The following NEDD1 variants were observed in gnomAD, a reference collection of about 807,000 sequenced individuals.
NEDD1 encodes NEDD1 gamma-tubulin ring complex targeting factor, also known as protein NEDD1.
NEDD1 carries 33 observed loss-of-function variants against 74.0 expected under a neutral mutation model. That is an observed-to-expected ratio of 0.45 (90% CI 0.34 to 0.60). The LOEUF is 0.60. Ranked by LOEUF, NEDD1 falls within the 20% of genes least tolerant of loss-of-function variation. The probability of loss-of-function intolerance (pLI) is 0.01; values close to 1 mark genes in which losing one functional copy is unlikely to be tolerated. For missense variants in NEDD1, 746 were observed against 776.5 expected, an observed-to-expected ratio of 0.96 and a Z score of 0.47; for synonymous variants, 250 against 264.4, an observed-to-expected ratio of 0.95 and a Z score of 0.53.
Position 96,951,929 on chromosome 12 carries a change from G to A in NEDD1, c.1879-20G>A, listed in dbSNP as rs529905558. 22 of 1,268,530 alleles carry A rather than the reference G, an allele frequency of 1.7e-5. No homozygotes were observed. The highest frequency in any genetic ancestry group is 2.4e-5 in the South Asian group (2 of 82,966). 78.6% of individuals were successfully genotyped at this position (1,268,530 alleles called of 1,614,324 possible). On this transcript the variant is annotated intron_variant, in intron 15 of 15. Transcript: ENST00000266742. ...ATGTGAAATATCAATAATTTAAAAA[G>A]CATTTTCCTGTTTTTCTAGAATGAA... is the stretch of plus-strand genomic sequence containing the variant.
chr12:96,933,172 C>A (rs1489150034), intron 6 of NEDD1, among the ~76,000 whole-genome samples: 1 of 151,946 alleles, frequency 6.6e-6, no homozygotes. Context: ...TTCTGGATAA[C>A]CATGTTTTAA....
intron 5 of NEDD1, 141 bp downstream of exon 5, chr12:96,917,878 GGT>G (rs1874640201): frequency 9.4e-7 from 1 of 1,060,770 alleles, no homozygotes; most frequent in Admixed American, 3.9e-5. Flanking sequence ...GGAAAATAAA[GGT>G]GCTATTTAGC....
At position 96,929,623 on chromosome 12, in the gene NEDD1, A is replaced by ATATATTT. The variant is rs773021014; in HGVS notation, c.490-5352_490-5351insATATTTT. On this transcript the variant is annotated intron_variant, in intron 6 of 15. Coordinates refer to ENST00000266742, the MANE Select transcript of NEDD1 (RefSeq NM_152905.4). ...CACATATGTGTATATATATATATAT[A>ATATATTT]TTTTTTTTTTAATGGCTGCTTGCTT... Among the ~76,000 whole-genome samples the ATATATTT allele has an allele frequency of 3.6e-4, 46 of 126,190 alleles. 1 individual carries two copies. The highest frequency in any genetic ancestry group is 1.3e-3 in the African/African-American group (42 of 33,020). The allele number at this position is 126,190 out of a possible 152,430, so 82.8% of individuals were successfully genotyped here.
chr12:96,927,816 A>G (rs1875876743), intron 6 of NEDD1, among the ~76,000 whole-genome samples: 1 of 152,148 alleles, frequency 6.6e-6, no homozygotes, highest in African/African-American at 2.4e-5. Context: ...TATTTCATTG[A>G]CTGGTTATAT....
chr12:96,918,145 T>A (rs914859537), intron 5 of NEDD1, among the ~76,000 whole-genome samples: 3 of 151,770 alleles, frequency 2.0e-5, no homozygotes, highest in Non-Finnish European at 4.4e-5. Context: ...AGTTATGTAG[T>A]ATATTTGGCT....
chr12:96,930,800 C>G (rs1876376396), intron 6 of NEDD1, among the ~76,000 whole-genome samples: 1 of 152,056 alleles, frequency 6.6e-6, no homozygotes, highest in Admixed American at 6.5e-5. Flanking sequence ...AGTCTCAGGC[C>G]TGCTTTTCTA....
rs972611617 is a variant in NEDD1 at position 96,952,258 on chromosome 12, A to G, written c.*205A>G. On this transcript the variant is annotated 3_prime_UTR_variant, in exon 16 of 16. Coordinates refer to ENST00000266742, the MANE Select transcript of NEDD1 (RefSeq NM_152905.4). Reference sequence around the variant, plus strand: ...TTAAAAATTGTACAGTATGTCATCTACCCAATAGGAAAGTCAACAGGATCT... The same window carrying G: ...TTAAAAATTGTACAGTATGTCATCTGCCCAATAGGAAAGTCAACAGGATCT... The G allele has an allele frequency of 5.8e-6, 2 of 344,630 alleles. No individual in the cohort carries two copies. Among genetic ancestry groups the G allele is most frequent in the Non-Finnish European group, 1.0e-5 (2 of 193,386 alleles). 21.3% of individuals were successfully genotyped at this position (344,630 alleles called of 1,614,324 possible).
intron 6 of NEDD1, among the ~76,000 whole-genome samples, chr12:96,920,353 A>G (rs1327183403): frequency 6.6e-6 from 1 of 152,002 alleles, no homozygotes; most frequent in Non-Finnish European, 1.5e-5. Context: ...GACTATAACT[A>G]TATACAGCAT....
intron 4 of NEDD1, among the ~76,000 whole-genome samples, chr12:96,913,858 A>G (rs541578332): frequency 1.3e-5 from 2 of 152,174 alleles, no homozygotes; most frequent in African/African-American, 4.8e-5. Context: ...ATTATTATGA[A>G]TTGTCATAAT....
At chr12:96,933,291 A>G (rs1302182204) in intron 6 of NEDD1, among the ~76,000 whole-genome samples, 1 of 152,128 alleles carries the variant, frequency 6.6e-6, no homozygotes, top group African/African-American at 2.4e-5. Flanking sequence ...CTACTTGTGT[A>G]TTTAGTCTAA....
intron 6 of NEDD1, among the ~76,000 whole-genome samples, chr12:96,923,767 G>A (rs1341066498): frequency 6.9e-6 from 1 of 144,234 alleles, no homozygotes; most frequent in East Asian, 2.1e-4. Flanking sequence ...ATGGCTTGCT[G>A]TTTTACTCCT....
intron 6 of NEDD1, among the ~76,000 whole-genome samples, chr12:96,931,682 T>A (rs1876485664): frequency 6.6e-6 from 1 of 152,210 alleles, no homozygotes; most frequent in Non-Finnish European, 1.5e-5. Context: ...GGTAAATTAG[T>A]ATACTCATGC....
chr12:96,951,006 A>C (rs577489328), intron 14 of NEDD1, among the ~76,000 whole-genome samples: 1 of 151,916 alleles, frequency 6.6e-6, no homozygotes, highest in African/African-American at 2.4e-5. Flanking sequence ...TTTCTAACCT[A>C]GTGAATTTTC....
intron 8 of NEDD1, 94 bp from the exon 9 acceptor site, chr12:96,937,104 T>C (rs1877188642): frequency 2.8e-6 from 2 of 715,770 alleles, no homozygotes; most frequent in Admixed American, 3.7e-5. Flanking sequence ...AGGAAAAAAA[T>C]ATATTTTTTA....
At chr12:96,921,181 C>G (rs556973881) in intron 6 of NEDD1, among the ~76,000 whole-genome samples, 39 of 151,934 alleles carry the variant, frequency 2.6e-4, no homozygotes, top group Middle Eastern at 3.4e-3. Context: ...TCTTTTTTTG[C>G]TTGTTTGTTT....
intron 4 of NEDD1, among the ~76,000 whole-genome samples, chr12:96,914,739 C>T (rs1874267064): frequency 1.3e-5 from 2 of 152,074 alleles, no homozygotes; most frequent in South Asian, 4.2e-4. Context: ...TTTTGTATTT[C>T]ACCTCTTTAA....
intron 6 of NEDD1, among the ~76,000 whole-genome samples, chr12:96,923,549 G>A (rs1287060223): frequency 6.6e-6 from 1 of 152,100 alleles, no homozygotes; most frequent in Non-Finnish European, 1.5e-5. Context: ...GTTATGTAGT[G>A]CTGTCTCATG....
chr12:96,952,018 C>T lies in NEDD1; in HGVS notation c.1948C>T (p.Arg650Ter), dbSNP rs773145781. ...EGLVAEIERL[R>*]EENKRLRAHF is the part of the protein sequence containing the mutation. ...TTTAGTGGCTGAAATTGAAAGACTA[C>T]GAGAAGAAAACAAAAGATTACGGGC... The change falls in exon 16 of 16, where the codon CGA (arginine) becomes TGA (stop). Residue 650 changes from arginine to a stop codon, truncating the protein, a stop_gained. Coordinates refer to ENST00000266742, the MANE Select transcript of NEDD1 (RefSeq NM_152905.4). LOFTEE classifies it high-confidence loss of function. The T allele has an allele frequency of 5.6e-6, 9 of 1,603,974 alleles. No homozygotes were observed. In the East Asian group the frequency reaches 6.7e-5, roughly 12 times the overall value.
Position 96,945,827 on chromosome 12 carries a change from C to G in NEDD1, c.1789C>G (p.Gln597Glu). The G allele has an allele frequency of 6.2e-7, 1 of 1,610,706 alleles. No homozygotes were observed. Among genetic ancestry groups the G allele is most frequent in the East Asian group, 2.2e-5 (1 of 44,834 alleles). ...AATTCGTTTTATTCAGAACATGATA[C>G]AGGAAACGTTGGATGACTTTAGGTA... ...IQIRFIQNMIQETLDDFREAC... is the reference protein window; with the variant it reads ...IQIRFIQNMIEETLDDFREAC... The change falls in exon 14 of 16, where the codon CAG (glutamine) becomes GAG (glutamate). Residue 597 changes from glutamine to glutamate, a missense_variant. Physicochemically the swap from Gln to Glu is conservative, Grantham distance 29. Transcript: ENST00000266742.
Sources: gnomAD v4.1 joint callset for allele counts (sites outside exome capture counted in the v4.1 genomes callset) on GRCh38, gnomAD v4.1.1 for gene constraint, MANE v1.5 for transcripts, NCBI Gene and HGNC (gene_info 2026-07-23, HGNC 2026-07-21) for gene names.